Variants in PRKCA observed in about 807,000 individuals in gnomAD.
PRKCA encodes protein kinase C alpha type.
PRKCA carries 27 observed loss-of-function variants against 87.0 expected under a neutral mutation model. The observed-to-expected ratio is 0.31, with a 90% CI of 0.23 to 0.43. The LOEUF (loss-of-function observed/expected upper bound fraction) is 0.43, where lower values mean the gene tolerates loss of function less well. PRKCA is among the 20% of genes least tolerant of loss of function. PRKCA has a pLI of 1.00. For missense variants in PRKCA, 518 were observed against 852.3 expected (o/e 0.61, Z 4.88); for synonymous variants, 329 against 311.1 (o/e 1.06, Z -0.61).
chr17:66,308,526 G>A (rs1904935978), intron 2 of PRKCA, among the ~76,000 whole-genome samples: 1 of 152,100 alleles, frequency 6.6e-6, no homozygotes, highest in African/African-American at 2.4e-5. Flanking sequence ...ATAGTTCTTT[G>A]CTTTGGTGAA....
At chr17:66,518,676 A>G (rs191919237) in intron 3 of PRKCA, among the ~76,000 whole-genome samples, 2 of 152,222 alleles carry the variant, frequency 1.3e-5, no homozygotes, top group Non-Finnish European at 2.9e-5. Flanking sequence ...ACATTTAAAA[A>G]TAGTCACATC....
At chr17:66,437,556 A>C (rs1913460843) in intron 2 of PRKCA, among the ~76,000 whole-genome samples, 1 of 152,028 alleles carries the variant, frequency 6.6e-6, no homozygotes, top group Non-Finnish European at 1.5e-5. Flanking sequence ...TCTCACTGAC[A>C]GATAGGGTGT....
chr17:66,614,334 A>G (rs969295194), intron 3 of PRKCA, among the ~76,000 whole-genome samples: 7 of 152,234 alleles, frequency 4.6e-5, no homozygotes, highest in African/African-American at 1.7e-4. Flanking sequence ...TATTTCCGGA[A>G]GGACTCTAAA....
intron 2 of PRKCA, among the ~76,000 whole-genome samples, chr17:66,458,999 T>C (rs1242487498): frequency 6.6e-6 from 1 of 152,006 alleles, no homozygotes; most frequent in Non-Finnish European, 1.5e-5. Context: ...AGTAACTTGA[T>C]TAAGTTTACC....
chr17:66,398,147 G>T (rs1910795607), intron 2 of PRKCA: 1 of 152,168 alleles, frequency 6.6e-6, no homozygotes, highest in African/African-American at 2.4e-5. Context: ...ACACAGCCAG[G>T]AATGGCCAAG....
intron 3 of PRKCA, among the ~76,000 whole-genome samples, chr17:66,547,320 G>T (rs570562174): frequency 6.6e-6 from 1 of 152,092 alleles, no homozygotes; most frequent in Non-Finnish European, 1.5e-5. Context: ...TCTGTGCCCT[G>T]CTATGGATGA....
intron 2 of PRKCA, among the ~76,000 whole-genome samples, chr17:66,399,052 G>A (rs1198188241): frequency 6.6e-6 from 1 of 151,090 alleles, no homozygotes; most frequent in African/African-American, 2.4e-5. Context: ...TGATGCTGTG[G>A]ATATTGATGC....
At chr17:66,427,019 G>C (rs760808461) in intron 2 of PRKCA, among the ~76,000 whole-genome samples, 6 of 152,088 alleles carry the variant, frequency 3.9e-5, no homozygotes, top group Non-Finnish European at 8.8e-5. Flanking sequence ...TGAGACACCA[G>C]CCACTTAAAA....
chr17:66,475,439 C>T (rs1365644214), intron 2 of PRKCA, among the ~76,000 whole-genome samples: 3 of 152,120 alleles, frequency 2.0e-5, no homozygotes, highest in South Asian at 2.1e-4. Flanking sequence ...TGGGGATTTT[C>T]GAATGATCCT....
intron 2 of PRKCA, among the ~76,000 whole-genome samples, chr17:66,427,785 A>T (rs1912892476): frequency 6.6e-6 from 1 of 152,220 alleles, no homozygotes; most frequent in African/African-American, 2.4e-5. Context: ...CAGGTGCTTA[A>T]AAAGGGAATG....
chr17:66,790,531 T>G (rs1975506976), intron 16 of PRKCA, among the ~76,000 whole-genome samples: 1 of 151,236 alleles, frequency 6.6e-6, no homozygotes, highest in South Asian at 2.1e-4. Context: ...TTAGGGATTA[T>G]TTTTTTTTCC....
intron 2 of PRKCA, among the ~76,000 whole-genome samples, chr17:66,398,965 G>T (rs949950777): frequency 6.6e-6 from 1 of 152,022 alleles, no homozygotes; most frequent in African/African-American, 2.4e-5. Context: ...TACTGGTTCT[G>T]CATTTTCTCA....
At chr17:66,780,608 G>A (rs1423660701) in intron 14 of PRKCA, among the ~76,000 whole-genome samples, 4 of 151,488 alleles carry the variant, frequency 2.6e-5, no homozygotes, top group South Asian at 2.1e-4. Context: ...CCTGGGAGGC[G>A]GAAGGTTGCA....
chr17:66,654,251 G>A (rs956601569), intron 5 of PRKCA, among the ~76,000 whole-genome samples: 28 of 152,188 alleles, frequency 1.8e-4, no homozygotes, highest in African/African-American at 6.3e-4. Context: ...TGCCTAGAAA[G>A]GGGACATGAA....
At chr17:66,327,994 C>A (rs575101107) in intron 2 of PRKCA, among the ~76,000 whole-genome samples, 18 of 152,244 alleles carry the variant, frequency 1.2e-4, no homozygotes, top group African/African-American at 4.1e-4. Context: ...AAGGAAAGCA[C>A]TACGGGATTT....
chr17:66,352,800 G>C (rs542637314), intron 2 of PRKCA, among the ~76,000 whole-genome samples: 4 of 151,860 alleles, frequency 2.6e-5, no homozygotes, highest in African/African-American at 9.7e-5. Context: ...CTGACCTTGT[G>C]ATCCGCCCGC....
chr17:66,738,382 G>T (rs1402631778), intron 10 of PRKCA, among the ~76,000 whole-genome samples: 1 of 152,208 alleles, frequency 6.6e-6, no homozygotes, highest in East Asian at 1.9e-4. Flanking sequence ...GGACCATGGA[G>T]AAGCACTAGT....
At position 66,368,580 on chromosome 17, in the gene PRKCA, C is replaced by T. The variant is rs757563687; in HGVS notation, c.205+62453C>T. ...TAATTTTTGTATTTTTTTGTAGAGA[C>T]GGGATTGCGCTATGTTGTCCAGGCT... On this transcript the variant is annotated intron_variant, in intron 2 of 16. Coordinates refer to ENST00000413366, the MANE Select transcript of PRKCA (RefSeq NM_002737.3). Among the ~76,000 whole-genome samples the T allele has an allele frequency of 1.6e-4, 24 of 150,406 alleles. 1 individual carries two copies. Among genetic ancestry groups the T allele is most frequent in the Admixed American group, 2.0e-4 (3 of 15,034 alleles).
At chr17:66,756,942 C>T (rs1272181251) in intron 13 of PRKCA, among the ~76,000 whole-genome samples, 1 of 152,150 alleles carries the variant, frequency 6.6e-6, no homozygotes, top group Non-Finnish European at 1.5e-5. Flanking sequence ...GGATTACAGG[C>T]GTGAGCCACC....
Sources: allele counts gnomAD v4.1 joint callset (sites outside exome capture counted in the v4.1 genomes callset), GRCh38; gene constraint gnomAD v4.1.1; transcripts MANE v1.5; gene names NCBI Gene and HGNC (gene_info 2026-07-23, HGNC 2026-07-21).